ZFYVE26: variants seen among roughly 807,000 people sequenced by gnomAD.
ZFYVE26 encodes the protein zinc finger FYVE-type containing 26.
Under a neutral mutation model 276.5 loss-of-function variants are expected in ZFYVE26, and 181 were observed. The ratio of observed to expected loss-of-function variants is 0.65; its 90% CI spans 0.58 to 0.74. The LOEUF is 0.74. Ranked by LOEUF, ZFYVE26 falls within the 30% of genes least tolerant of loss-of-function variation. The pLI, the probability that ZFYVE26 is intolerant of heterozygous loss-of-function variation, is 0.00. For missense variants in ZFYVE26, 2,821 were observed against 3,097.9 expected (o/e 0.91, Z 2.12); for synonymous variants, 1,129 against 1,203.1 (o/e 0.94, Z 1.27).
At chr14:67,790,393 C>T (rs1262152521) in intron 15 of ZFYVE26, among the ~76,000 whole-genome samples, 179 bp downstream of exon 15, 1 of 152,136 alleles carries the variant, frequency 6.6e-6, no homozygotes, top group African/African-American at 2.4e-5. Context: ...ACAGCCTGGG[C>T]AAGGAGGATG....
chr14:67,767,687 C>T lies in ZFYVE26; in HGVS notation c.5790+17G>A. The T allele has an allele frequency of 6.2e-7, 1 of 1,614,114 alleles. No homozygotes were observed. The highest frequency in any genetic ancestry group is 1.1e-5 in the South Asian group (1 of 91,086). ...CATAAAGAAACTTAAGTGACCATTG[C>T]ATTTTATTGCTATTACCTGCTCATA... On this transcript the variant is annotated intron_variant, in intron 31 of 41. Transcript: ENST00000347230.
In ZFYVE26 at chr14:67,798,406, C is replaced by T. The variant is rs887419086; in HGVS notation, c.1856G>A (p.Ser619Asn). ...SPSGLRSPSESPQHIAHPERK... is the reference protein window; with the variant it reads ...SPSGLRSPSENPQHIAHPERK... The stretch of plus-strand genomic sequence containing the variant: ...TTCAGGATGTGCTATGTGCTGAGGG[C>T]TCTCTGATGGGGACCTCAAACCTGA... Residue 619 changes from serine (S) to asparagine (N), a missense_variant, in exon 11 of 42, where the codon AGC becomes AAC. By Grantham distance (46) the Ser-to-Asn change is conservative (BLOSUM62 1). Transcript: ENST00000347230. The T allele has an allele frequency of 1.2e-6, 2 of 1,612,980 alleles. No homozygotes were observed. Among genetic ancestry groups the T allele is most frequent in the Admixed American group, 1.7e-5 (1 of 59,954 alleles).
intron 3 of ZFYVE26, among the ~76,000 whole-genome samples, chr14:67,810,561 A>G (rs558499353): frequency 1.3e-5 from 2 of 152,290 alleles, no homozygotes; most frequent in East Asian, 3.9e-4. Context: ...ATTTTTTCAA[A>G]CAAAAAGGAA....
At chr14:67,797,329 A>C in intron 12 of ZFYVE26, 1 of 341,080 alleles carries the variant, frequency 2.9e-6, no homozygotes, top group Non-Finnish European at 5.6e-6. Context: ...TGACAATGGA[A>C]TACTAAGCAG....
chr14:67,753,964 G>A, intron 38 of ZFYVE26, 107 bp downstream of exon 38: 1 of 1,575,324 alleles, frequency 6.3e-7, no homozygotes, highest in Non-Finnish European at 8.7e-7. Context: ...CTAGTGGGGA[G>A]GCAGCCATCA....
intron 3 of ZFYVE26, among the ~76,000 whole-genome samples, chr14:67,812,269 C>G (rs2040317919): frequency 6.6e-6 from 1 of 152,158 alleles, no homozygotes; most frequent in Non-Finnish European, 1.5e-5. Context: ...ATAGAAGTAG[C>G]ATAGACGTGA....
chr14:67,748,383 C>T lies in ZFYVE26; in HGVS notation c.*53G>A. 1 of 1,580,950 alleles carries T rather than the reference C, an allele frequency of 6.3e-7. No individual in the cohort carries two copies. The highest frequency in any genetic ancestry group is 8.6e-7 in the Non-Finnish European group (1 of 1,157,936). ...GGAAAGAGGTGGAGGGCATCGCCATCACTGCTGTTGCCCAGCTCTCAGGCC... is the reference window on the plus strand; with the variant it reads ...GGAAAGAGGTGGAGGGCATCGCCATTACTGCTGTTGCCCAGCTCTCAGGCC... On this transcript the variant is annotated 3_prime_UTR_variant, in exon 42 of 42. Transcript: ENST00000347230.
rs34296097 is a variant in ZFYVE26, at chr14:67,783,395, G to A, written c.3757C>T (p.Leu1253=). 15,436 of 1,614,152 alleles carry A rather than the reference G, an allele frequency of 9.6e-3. 479 individuals are homozygous for A. The African/African-American group carries it at 0.11, about 11-fold the overall frequency. ...GCGTGTAGCTGGGCCAGAGTACCCA[G>A]ACGAGTCAGGAGGGAGGAGGTCTGC... ...SQQTSSLLTR[L]GTLAQLHASH... Residue 1253 remains leucine, a synonymous_variant, in exon 21 of 42, where the codon CTG becomes TTG. Coordinates refer to ENST00000347230, the MANE Select transcript of ZFYVE26 (RefSeq NM_015346.4).
chr14:67,806,335 C>A (rs1219063741), intron 6 of ZFYVE26, among the ~76,000 whole-genome samples: 1 of 152,192 alleles, frequency 6.6e-6, no homozygotes, highest in Admixed American at 6.5e-5. Flanking sequence ...TGCCAAAGGA[C>A]CGATGTAAAA....
At chr14:67,790,228 C>A (rs1468423250) in intron 15 of ZFYVE26, among the ~76,000 whole-genome samples, 3 of 152,200 alleles carry the variant, frequency 2.0e-5, no homozygotes, top group African/African-American at 7.2e-5. Flanking sequence ...TATGCTTTAT[C>A]CCTGAGTAAT....
rs149787955 is a variant in ZFYVE26, at chr14:67,740,561, T to C, written n.2679+10491A>G. 2.8e-4 allele frequency among the ~76,000 whole-genome samples: 43 copies of C among 152,352 alleles called. No homozygotes were observed. The East Asian group carries it at 7.7e-3, about 27-fold the overall frequency. On this transcript the variant is annotated intron_variant and non_coding_transcript_variant, in intron 13 of 14. Transcript: ENST00000394455. ...AGTTCATTGTCCATTTAGTTGCTAA[T>C]GTAAACAATGGATATCATACTTCAT...
intron 10 of ZFYVE26, chr14:67,799,543 A>C: frequency 6.4e-7 from 1 of 1,551,714 alleles, no homozygotes; most frequent in Non-Finnish European, 8.9e-7. Context: ...CTCAGATGGA[A>C]GCAAAGTACT....
chr14:67,797,792 G>T, intron 11 of ZFYVE26, 37 bp from the exon 12 acceptor site: 1 of 1,610,574 alleles, frequency 6.2e-7, no homozygotes, highest in Non-Finnish European at 8.5e-7. Flanking sequence ...AAAGGAGAGT[G>T]ATCAACTTTG....
downstream of ZFYVE26, among the ~76,000 whole-genome samples, chr14:67,745,074 T>A (rs373528987): frequency 6.9e-4 from 105 of 152,320 alleles, 1 homozygote; most frequent in African/African-American, 2.1e-3. Flanking sequence ...CGCCAGCATC[T>A]GTTGTTTCCT....
chr14:67,785,786 T>G (rs896799415), intron 18 of ZFYVE26, 72 bp downstream of exon 18: 3 of 1,603,510 alleles, frequency 1.9e-6, no homozygotes, highest in Non-Finnish European at 2.6e-6. Flanking sequence ...TGCTCCAAAG[T>G]GCTTCGTTAC....
chr14:67,764,036 A>C (rs1279319199), intron 32 of ZFYVE26, among the ~76,000 whole-genome samples: 1 of 151,906 alleles, frequency 6.6e-6, no homozygotes, highest in Non-Finnish European at 1.5e-5. Context: ...TGACATCCTC[A>C]CCCTGGGTTA....
chr14:67,788,657 TGA>T (rs1399712523), intron 16 of ZFYVE26, among the ~76,000 whole-genome samples: 1 of 152,212 alleles, frequency 6.6e-6, no homozygotes, highest in African/African-American at 2.4e-5. Context: ...AGCTGATTCT[TGA>T]GAGTTCTCCT....
chr14:67,815,707 C>A (rs1236192682), intron 2 of ZFYVE26, 63 bp downstream of exon 2: 4 of 1,548,080 alleles, frequency 2.6e-6, no homozygotes, highest in Non-Finnish European at 3.6e-6. Context: ...TTGACCAATG[C>A]CCAAATATTG....
intron 10 of ZFYVE26, chr14:67,798,995 C>G: frequency 8.8e-7 from 1 of 1,142,422 alleles, no homozygotes; most frequent in Non-Finnish European, 1.3e-6. Flanking sequence ...TACGGATACT[C>G]TCTGCCCTCA....
Sources: allele counts gnomAD v4.1 joint callset (sites outside exome capture counted in the v4.1 genomes callset), GRCh38; gene constraint gnomAD v4.1.1; transcripts MANE v1.5; gene names NCBI Gene and HGNC (gene_info 2026-07-23, HGNC 2026-07-21).